PFKFB2: variants seen among roughly 807,000 people sequenced by gnomAD.
PFKFB2 encodes 6-phosphofructo-2-kinase/fructose-2,6-bisphosphatase 2.
In PFKFB2, 53 loss-of-function variants were observed where a neutral mutation model predicts 68.0. The ratio of observed to expected loss-of-function variants is 0.78; its 90% CI spans 0.63 to 0.98. The LOEUF (loss-of-function observed/expected upper bound fraction) is 0.98. Among genes scored for constraint, PFKFB2 ranks in the 50% least tolerant of loss-of-function variants. The probability of loss-of-function intolerance (pLI) is 0.00; values close to 1 mark genes in which losing one functional copy is unlikely to be tolerated. For missense variants in PFKFB2, 451 were observed against 642.0 expected (o/e 0.70, Z 3.22); for synonymous variants, 222 against 227.6 (o/e 0.98, Z 0.22).
At chr1:207,042,842 T>C (rs1275642741) in intron 2 of PFKFB2, among the ~76,000 whole-genome samples, 1 of 152,192 alleles carries the variant, frequency 6.6e-6, no homozygotes, top group Non-Finnish European at 1.5e-5. Context: ...TTGTCATTCA[T>C]TGTTCTACAA....
intron 9 of PFKFB2, 122 bp from the exon 10 acceptor site, chr1:207,068,041 A>G (rs1471177521): frequency 1.2e-6 from 1 of 836,330 alleles, no homozygotes; most frequent in Non-Finnish European, 1.9e-6. Flanking sequence ...GACCATGGTT[A>G]TGCACGTTGT....
chr1:207,066,944 A>G (rs2016939), intron 8 of PFKFB2, among the ~76,000 whole-genome samples: 69,038 of 152,076 alleles, frequency 0.45, 16,783 homozygotes, highest in African/African-American at 0.62. Context: ...GAGCTACCGC[A>G]TCCAGCCACA....
Position 207,067,498 on chromosome 1 carries a change from G to A in PFKFB2, c.633-1G>A. The A allele has an allele frequency of 1.9e-6, 3 of 1,609,954 alleles. No homozygotes were observed. Among genetic ancestry groups the A allele is most frequent in the Non-Finnish European group, 2.5e-6 (3 of 1,177,308 alleles). ...ATTTTTTTTTTCCTTTCCTGTCCCA[G>A]GGATCTTTCTTTCATCAAGGTGATA... On this transcript the variant is annotated splice_acceptor_variant, in intron 8 of 14. Transcript: ENST00000367080. LOFTEE classifies it high-confidence loss of function.
chr1:207,078,661 T>C (rs1224980977), downstream of PFKFB2, among the ~76,000 whole-genome samples: 1 of 152,262 alleles, frequency 6.6e-6, no homozygotes, highest in Non-Finnish European at 1.5e-5. Flanking sequence ...AGAGGGATCC[T>C]GACTGCTCCT....
downstream of PFKFB2, chr1:207,078,943 C>G: frequency 6.2e-7 from 1 of 1,610,864 alleles, no homozygotes; most frequent in Non-Finnish European, 8.5e-7. Flanking sequence ...CTCTTCCTCT[C>G]TGGCTCGTAG....
intron 10 of PFKFB2, 111 bp downstream of exon 10, chr1:207,068,420 A>C: frequency 1.1e-6 from 1 of 908,034 alleles, no homozygotes; most frequent in Non-Finnish European, 1.5e-6. Flanking sequence ...AACAAGTAAA[A>C]ACTCTGAGGA....
At chr1:207,038,735 A>G (rs1048749550) in intron 1 of PFKFB2, among the ~76,000 whole-genome samples, 1 of 152,188 alleles carries the variant, frequency 6.6e-6, no homozygotes, top group African/African-American at 2.4e-5. Context: ...AAGGTTTGAG[A>G]GAGTCATCAC....
chr1:207,049,647 A>G (rs749716086), upstream of PFKFB2: 248 of 1,614,212 alleles, frequency 1.5e-4, 2 homozygotes, highest in Middle Eastern at 7.1e-3. Context: ...CCCTGACGTA[A>G]CTAGAAGCAC....
intron 2 of PFKFB2, chr1:207,044,717 C>T (rs1288773004): frequency 6.6e-6 from 1 of 152,386 alleles, no homozygotes; most frequent in Non-Finnish European, 1.5e-5. Flanking sequence ...GACACAAAGG[C>T]ATTGCTTTAA....
In PFKFB2 at chr1:207,072,853, T is replaced by C; in HGVS notation, c.*482T>C. On this transcript the variant is annotated 3_prime_UTR_variant, in exon 15 of 15. Transcript: ENST00000367080. ...CCTCACACTCCTTACTTGACTGCTTTCTTCCCCCACTTTCATGTCCCCTCT... is the reference window on the plus strand; with the variant it reads ...CCTCACACTCCTTACTTGACTGCTTCCTTCCCCCACTTTCATGTCCCCTCT... 1.0e-6 allele frequency: 1 copy of C among 990,140 alleles called. No homozygotes were observed. Among genetic ancestry groups the C allele is most frequent in the Non-Finnish European group, 1.2e-6 (1 of 833,140 alleles). The allele number at this position is 990,140 out of a possible 1,614,324, so 61.3% of individuals were successfully genotyped here.
chr1:207,050,999 C>T (rs1203754356), upstream of PFKFB2: 1 of 1,527,186 alleles, frequency 6.5e-7, no homozygotes, highest in Non-Finnish European at 8.8e-7. Flanking sequence ...CGGGTGGACT[C>T]CAAAATGGCG....
chr1:207,063,521 G>A lies in PFKFB2; in HGVS notation c.450+100G>A. On this transcript the variant is annotated intron_variant, in intron 6 of 14. Coordinates refer to ENST00000367080, the MANE Select transcript of PFKFB2 (RefSeq NM_006212.2). This position sits in a 1 kb window ranked among gnomAD's most constrained non-coding sequence, Gnocchi z 4.1. Reference sequence around the variant, plus strand: ...ACTCTAGTGGGTGAGGACAGGATGGGATATCTGAATCTCTTCTCTCAGAGC... The same window carrying A: ...ACTCTAGTGGGTGAGGACAGGATGGAATATCTGAATCTCTTCTCTCAGAGC... 1.2e-6 allele frequency: 1 copy of A among 829,032 alleles called. No homozygotes were observed. Among genetic ancestry groups the A allele is most frequent in the African/African-American group, 1.7e-5 (1 of 59,564 alleles). The allele number at this position is 829,032 out of a possible 1,614,324, so 51.4% of individuals were successfully genotyped here.
chr1:207,072,461 C>A lies in PFKFB2; in HGVS notation c.*90C>A. ...CCCTTGTCACTAATCACCAAGGAGT[C>A]ATTAACTTCCTCCCTCTATGCCCAC... On this transcript the variant is annotated 3_prime_UTR_variant, in exon 15 of 15. Transcript: ENST00000367080. The A allele has an allele frequency of 6.6e-7, 1 of 1,520,190 alleles. No homozygotes were observed. Among genetic ancestry groups the A allele is most frequent in the South Asian group, 1.3e-5 (1 of 75,616 alleles). 94.2% of individuals were successfully genotyped at this position (1,520,190 alleles called of 1,614,324 possible).
chr1:207,059,646 G>A (rs1213968110), intron 2 of PFKFB2, among the ~76,000 whole-genome samples: 1 of 152,102 alleles, frequency 6.6e-6, no homozygotes, highest in African/African-American at 2.4e-5. Context: ...AGTGGGTAAA[G>A]GACTAAAAGC....
intron 3 of PFKFB2, 122 bp downstream of exon 3, chr1:207,062,200 T>G (rs1420755242): frequency 1.5e-6 from 2 of 1,330,826 alleles, no homozygotes; most frequent in Admixed American, 4.4e-5. Flanking sequence ...TAGCAGTTGC[T>G]TTCTGGTTTA....
rs1683135115 is a variant in PFKFB2 at position 207,062,068 on chromosome 1, C to T, written c.201C>T (p.Val67=). ...CACGCTACCTCAACTGGATTGGAGTCCCCACCAAAGGTAAGTGTGGCTCAT... is the reference window on the plus strand; with the variant it reads ...CACGCTACCTCAACTGGATTGGAGTTCCCACCAAAGGTAAGTGTGGCTCAT... The part of the protein sequence containing the change: ...KLTRYLNWIG[V]PTKVFNLGVY... The change falls in exon 3 of 15, where the codon GTC becomes GTT. Residue 67 remains valine, a synonymous_variant. Transcript: ENST00000367080. The T allele has an allele frequency of 3.1e-6, 5 of 1,613,966 alleles. No homozygotes were observed. The highest frequency in any genetic ancestry group is 3.4e-6 in the Non-Finnish European group (4 of 1,179,818).
At chr1:207,060,988 A>ATATATC (rs1683072740) in intron 2 of PFKFB2, 1 of 123,742 alleles carries the variant, frequency 8.1e-6, no homozygotes, top group African/African-American at 4.6e-5. Context: ...CTATATATCT[A>ATATATC]TATATATCTA....
chr1:207,037,749 A>G (rs903085878), intron 1 of PFKFB2, among the ~76,000 whole-genome samples: 3 of 152,200 alleles, frequency 2.0e-5, no homozygotes, highest in Non-Finnish European at 4.4e-5. Context: ...TATATATTAC[A>G]TCTATCCTCT....
intron 1 of PFKFB2, among the ~76,000 whole-genome samples, chr1:207,037,539 G>A (rs1303421071): frequency 4.6e-5 from 7 of 152,202 alleles, no homozygotes; most frequent in Non-Finnish European, 8.8e-5. Flanking sequence ...CTTCAGACCT[G>A]TAGATGCCTA....
Sources: allele counts gnomAD v4.1 joint callset (sites outside exome capture counted in the v4.1 genomes callset), GRCh38; gene constraint gnomAD v4.1.1; non-coding constraint Gnocchi (gnomAD v3.1); transcripts MANE v1.5; gene names NCBI Gene and HGNC (gene_info 2026-07-23, HGNC 2026-07-21).